Variants in PLD1 observed in about 807,000 individuals in gnomAD.
PLD1 encodes choline phosphatase 1.
Under a neutral mutation model 137.1 loss-of-function variants are expected in PLD1, and 112 were observed. That is an observed-to-expected ratio of 0.82 (90% confidence interval 0.70 to 0.96). The LOEUF is 0.96. Among genes scored for constraint, PLD1 ranks in the 40% least tolerant of loss-of-function variants. PLD1 has a pLI of 0.00. For missense variants in PLD1, 1,321 were observed against 1,342.0 expected (o/e 0.98, Z 0.24); for synonymous variants, 431 against 454.7 (o/e 0.95, Z 0.66).
chr3:171,701,274 C>T (rs1426421362), intron 11 of PLD1, among the ~76,000 whole-genome samples: 1 of 152,100 alleles, frequency 6.6e-6, no homozygotes, highest in East Asian at 1.9e-4. Flanking sequence ...TAATCTATGT[C>T]CAAACAAGCA....
At chr3:171,703,603 A>T (rs1287548083) in intron 11 of PLD1, among the ~76,000 whole-genome samples, 3 of 152,240 alleles carry the variant, frequency 2.0e-5, no homozygotes, top group African/African-American at 7.2e-5. Flanking sequence ...TCAGTAAAAA[A>T]TTTAACAAAA....
intron 4 of PLD1, 102 bp downstream of exon 4, chr3:171,735,390 C>A: frequency 1.1e-6 from 1 of 941,260 alleles, no homozygotes; most frequent in South Asian, 1.4e-5. Flanking sequence ...CCTGCCTCAG[C>A]CTCCCAAAGT....
chr3:171,678,037 G>A (rs1465846833), intron 16 of PLD1, among the ~76,000 whole-genome samples: 1 of 152,006 alleles, frequency 6.6e-6, no homozygotes, highest in Non-Finnish European at 1.5e-5. Context: ...GGCACTATGA[G>A]AGCAGTAAAG....
In PLD1 at chr3:171,602,971, G is replaced by C; in HGVS notation, c.*107C>G. The C allele has an allele frequency of 1.3e-6, 1 of 754,424 alleles. No homozygotes were observed. Among genetic ancestry groups the C allele is most frequent in the South Asian group, 1.7e-5 (1 of 60,446 alleles). The allele number at this position is 754,424 out of a possible 1,614,324, so 46.7% of individuals were successfully genotyped here. On this transcript the variant is annotated 3_prime_UTR_variant, in exon 27 of 27. Coordinates refer to ENST00000351298, the MANE Select transcript of PLD1 (RefSeq NM_002662.5). ...GTCATTCCAAAAGGTCCTTGGGTTGGATACGAGAATGCGTCAGGCCTGGCT... is the reference window on the plus strand; with the variant it reads ...GTCATTCCAAAAGGTCCTTGGGTTGCATACGAGAATGCGTCAGGCCTGGCT...
chr3:171,726,954 T>C (rs530412497), intron 6 of PLD1, among the ~76,000 whole-genome samples: 30 of 152,346 alleles, frequency 2.0e-4, no homozygotes, highest in African/African-American at 7.2e-4. Context: ...CATTCCATTT[T>C]GCATCTACTT....
At chr3:171,651,613 G>T (rs1397869428) in intron 21 of PLD1, among the ~76,000 whole-genome samples, 1 of 152,032 alleles carries the variant, frequency 6.6e-6, no homozygotes, top group Non-Finnish European at 1.5e-5. Context: ...TATATATTGT[G>T]CACAAACACA....
intron 19 of PLD1, among the ~76,000 whole-genome samples, chr3:171,673,632 C>T (rs2108471266): frequency 6.6e-6 from 1 of 152,296 alleles, no homozygotes; most frequent in Non-Finnish European, 1.5e-5. Context: ...CTTATATACA[C>T]ATACCTCCAA....
At chr3:171,605,215 C>A in intron 26 of PLD1, 84 bp downstream of exon 26, 2 of 844,242 alleles carry the variant, frequency 2.4e-6, no homozygotes, top group Non-Finnish European at 4.2e-6. Flanking sequence ...ATACCCTGTA[C>A]CAATAATATG....
Position 171,735,537 on chromosome 3 carries a change from A to T in PLD1, c.389T>A (p.Leu130Gln), listed in dbSNP as rs779293445. The change falls in exon 4 of 27, where the codon CTG becomes CAG. Residue 130 changes from leucine (L) to glutamine (Q), a missense_variant. By Grantham distance (113) the Leu-to-Gln change is moderately radical (BLOSUM62 -2). Coordinates refer to ENST00000351298, the MANE Select transcript of PLD1 (RefSeq NM_002662.5). ...FKHFQEFHRE[L>Q]LKYKAFIRIP... ...GCGGATAAAGGCTTTGTACTTGAGC[A>T]GCTCTCTGTGAAATTCTTGAAAATG... The T allele has an allele frequency of 6.2e-7, 1 of 1,613,336 alleles. No individual in the cohort carries two copies. The highest frequency in any genetic ancestry group is 8.5e-7 in the Non-Finnish European group (1 of 1,179,222).
At chr3:171,702,886 A>G (rs972805819) in intron 11 of PLD1, among the ~76,000 whole-genome samples, 3 of 152,174 alleles carry the variant, frequency 2.0e-5, no homozygotes, top group Admixed American at 1.3e-4. Flanking sequence ...TGAGGTCAGC[A>G]TTATCCTGAT....
intron 1 of PLD1, among the ~76,000 whole-genome samples, chr3:171,808,815 ATT>A (rs60146546): frequency 4.1e-3 from 356 of 86,186 alleles, no homozygotes; most frequent in Middle Eastern, 0.012. Flanking sequence ...TTAGCATTCA[ATT>A]TTTTTTTTTT....
At chr3:171,659,160 A>T in intron 21 of PLD1, 53 bp downstream of exon 21, 1 of 1,187,376 alleles carries the variant, frequency 8.4e-7, no homozygotes, top group Non-Finnish European at 1.3e-6. Context: ...AAGTCATTTT[A>T]GTAATAAATA....
intron 18 of PLD1, 95 bp downstream of exon 18, chr3:171,676,620 C>A: frequency 1.1e-6 from 1 of 935,950 alleles, no homozygotes; most frequent in Non-Finnish European, 1.7e-6. Flanking sequence ...GTGGCCACAA[C>A]AGTCTCTTCT....
At chr3:171,675,996 C>A (rs968091825) in intron 18 of PLD1, among the ~76,000 whole-genome samples, 1 of 152,056 alleles carries the variant, frequency 6.6e-6, no homozygotes, top group Non-Finnish European at 1.5e-5. Flanking sequence ...GCACCCACCA[C>A]CATGCCCAGC....
chr3:171,725,975 A>G (rs757646901), intron 7 of PLD1, 43 bp downstream of exon 7: 4 of 1,369,426 alleles, frequency 2.9e-6, no homozygotes, highest in Admixed American at 1.7e-5. Context: ...GTGAATGCAA[A>G]TCAATTTTTC....
intron 1 of PLD1, among the ~76,000 whole-genome samples, chr3:171,747,180 T>C (rs1249632449): frequency 3.9e-5 from 6 of 152,100 alleles, no homozygotes; most frequent in South Asian, 2.1e-4. Context: ...GGACACACCA[T>C]CTTTAAGAAC....
chr3:171,686,611 A>G (rs1714582237), intron 16 of PLD1, 74 bp downstream of exon 16: 3 of 773,744 alleles, frequency 3.9e-6, no homozygotes, highest in Admixed American at 2.4e-5. Flanking sequence ...AAACACATTC[A>G]CTATGCCCAT....
chr3:171,765,216 A>T (rs989045276), intron 1 of PLD1: 1 of 152,202 alleles, frequency 6.6e-6, no homozygotes. Flanking sequence ...TAAATTATAC[A>T]ATATCAATAA....
intron 8 of PLD1, 137 bp from the exon 9 acceptor site, chr3:171,714,182 T>G (rs907890307): frequency 1.4e-5 from 8 of 566,368 alleles, no homozygotes; most frequent in Non-Finnish European, 2.1e-5. Context: ...GGAGATTTAT[T>G]TTTTTTAATC....
Sources: gnomAD v4.1 joint callset for allele counts (sites outside exome capture counted in the v4.1 genomes callset) on GRCh38, gnomAD v4.1.1 for gene constraint, MANE v1.5 for transcripts, NCBI Gene and HGNC (gene_info 2026-07-23, HGNC 2026-07-21) for gene names.